The following GRID2 variants were observed in gnomAD, a reference collection of about 807,000 sequenced individuals.
The protein encoded by GRID2 is glutamate receptor ionotropic, delta-2.
Under a neutral mutation model 114.8 loss-of-function variants are expected in GRID2, and 33 were observed. That is an observed-to-expected ratio of 0.29 (90% CI 0.22 to 0.38). GRID2 has a LOEUF of 0.38. Among genes scored for constraint, GRID2 ranks in the 10% least tolerant of loss-of-function variants. GRID2 has a pLI of 1.00. For synonymous variants in GRID2, 505 were observed against 449.9 expected (o/e 1.12, Z -1.55); for missense variants, 1,184 against 1,257.7 (o/e 0.94, Z 0.89).
At chr4:92,861,630 C>T (rs1166705915) in intron 2 of GRID2, among the ~76,000 whole-genome samples, 1 of 152,030 alleles carries the variant, frequency 6.6e-6, no homozygotes, top group Non-Finnish European at 1.5e-5. Flanking sequence ...ATGTCAGGGA[C>T]TGGTCTGGCT....
intron 14 of GRID2, among the ~76,000 whole-genome samples, chr4:93,649,512 A>G (rs564350548): frequency 8.5e-5 from 13 of 152,144 alleles, no homozygotes; most frequent in Non-Finnish European, 1.9e-4. Flanking sequence ...AGTTTTTTTC[A>G]CTTAAAGAAG....
chr4:93,231,390 C>CAAAA lies in GRID2; in HGVS notation c.1125+6628_1125+6631dup, dbSNP rs34267723. 5.7e-3 allele frequency among the ~76,000 whole-genome samples: 595 copies of CAAAA among 104,448 alleles called. 9 individuals carry two copies. The highest frequency in any genetic ancestry group is 0.023 in the African/African-American group (566 of 24,696). 68.5% of individuals were successfully genotyped at this position (104,448 alleles called of 152,430 possible). ...TATGGAATTACCCCGCACCCCCTGCCAAAAAAAAAAAAAAAAGAAATTTAG... is the reference window on the plus strand; with the variant it reads ...TATGGAATTACCCCGCACCCCCTGCCAAAAAAAAAAAAAAAAAAAAGAAATTTAG... On this transcript the variant is annotated intron_variant, in intron 7 of 15. Transcript: ENST00000282020.
At chr4:92,486,075 T>G (rs1722873587) in intron 1 of GRID2, among the ~76,000 whole-genome samples, 1 of 151,714 alleles carries the variant, frequency 6.6e-6, no homozygotes, top group Non-Finnish European at 1.5e-5. Flanking sequence ...TTTGTAAACT[T>G]GAATCTCTAA....
intron 8 of GRID2, among the ~76,000 whole-genome samples, chr4:93,288,645 C>G (rs571081291): frequency 6.6e-5 from 10 of 152,298 alleles, no homozygotes; most frequent in African/African-American, 2.4e-4. Context: ...AAATGAGACT[C>G]TATCCTTTTA....
chr4:92,333,554 T>G (rs1372752509), intron 1 of GRID2, among the ~76,000 whole-genome samples: 3 of 152,190 alleles, frequency 2.0e-5, no homozygotes, highest in Non-Finnish European at 4.4e-5. Context: ...CTTTTTCATC[T>G]TTACATGGCC....
At chr4:92,404,309 G>A (rs552617505) in intron 1 of GRID2, among the ~76,000 whole-genome samples, 54 of 151,864 alleles carry the variant, frequency 3.6e-4, no homozygotes, top group Non-Finnish European at 7.4e-4. Flanking sequence ...CTGATTCTAG[G>A]GAAATGCAAA....
intron 2 of GRID2, among the ~76,000 whole-genome samples, chr4:93,074,374 A>G (rs527709819): frequency 6.6e-6 from 1 of 152,342 alleles, no homozygotes; most frequent in African/African-American, 2.4e-5. Flanking sequence ...AGATTGAGCT[A>G]TATCCTAGAT....
At chr4:93,027,062 A>G (rs971588098) in intron 2 of GRID2, among the ~76,000 whole-genome samples, 2 of 152,034 alleles carry the variant, frequency 1.3e-5, no homozygotes, top group African/African-American at 4.8e-5. Flanking sequence ...TCAACTGTGG[A>G]ATGCGATCAA....
intron 2 of GRID2, among the ~76,000 whole-genome samples, chr4:92,891,759 A>G (rs1003969885): frequency 6.6e-6 from 1 of 152,180 alleles, no homozygotes; most frequent in Admixed American, 6.5e-5. Context: ...CATAAGAGTC[A>G]TAAGTACTGG....
chr4:93,188,631 T>G (rs1740666181), intron 4 of GRID2, among the ~76,000 whole-genome samples: 1 of 152,228 alleles, frequency 6.6e-6, no homozygotes. Flanking sequence ...ATTTTTCATT[T>G]GCAACATTGC....
intron 1 of GRID2, among the ~76,000 whole-genome samples, chr4:92,359,696 T>C (rs2110198778): frequency 6.6e-6 from 1 of 152,050 alleles, no homozygotes; most frequent in South Asian, 2.1e-4. Context: ...GACGGGTGTT[T>C]AGGAATTGGA....
chr4:93,101,531 G>A (rs1731708294), intron 3 of GRID2, among the ~76,000 whole-genome samples: 1 of 151,986 alleles, frequency 6.6e-6, no homozygotes, highest in African/African-American at 2.4e-5. Flanking sequence ...GGTATGGAAT[G>A]AGCAATACCG....
intron 2 of GRID2, among the ~76,000 whole-genome samples, chr4:92,653,158 C>T (rs766857117): frequency 2.7e-5 from 4 of 150,242 alleles, no homozygotes; most frequent in Non-Finnish European, 5.9e-5. Context: ...CCACCACACC[C>T]GGCTAATTTT....
chr4:92,443,433 G>T (rs373699037), intron 1 of GRID2, among the ~76,000 whole-genome samples: 2 of 151,814 alleles, frequency 1.3e-5, no homozygotes, highest in South Asian at 2.1e-4. Context: ...AGGGTGGAAG[G>T]TTGCCCATAG....
intron 2 of GRID2, among the ~76,000 whole-genome samples, chr4:92,916,339 T>C (rs1309058817): frequency 6.6e-6 from 1 of 152,064 alleles, no homozygotes; most frequent in Non-Finnish European, 1.5e-5. Flanking sequence ...GATCATTGTC[T>C]CTGTAATTTT....
At chr4:93,022,717 T>A (rs1373596108) in intron 2 of GRID2, among the ~76,000 whole-genome samples, 1 of 151,970 alleles carries the variant, frequency 6.6e-6, no homozygotes. Flanking sequence ...TAATTATAAG[T>A]ATCTATTTAG....
At chr4:92,566,634 C>T (rs1036254059) in intron 1 of GRID2, among the ~76,000 whole-genome samples, 1 of 151,870 alleles carries the variant, frequency 6.6e-6, no homozygotes, top group African/African-American at 2.4e-5. Flanking sequence ...AGAAATTATG[C>T]TATTACTATA....
At chr4:93,275,769 T>C (rs895684520) in intron 8 of GRID2, among the ~76,000 whole-genome samples, 4 of 151,906 alleles carry the variant, frequency 2.6e-5, no homozygotes, top group Non-Finnish European at 4.4e-5. Context: ...TAGATCTTCT[T>C]TGGAGAAATG....
At chr4:92,934,306 G>A (rs1750469504) in intron 2 of GRID2, among the ~76,000 whole-genome samples, 1 of 151,770 alleles carries the variant, frequency 6.6e-6, no homozygotes, top group East Asian at 1.9e-4. Flanking sequence ...TTGGGAATGG[G>A]AGTTCACTCA....
Sources: gnomAD v4.1 joint callset for allele counts (sites outside exome capture counted in the v4.1 genomes callset) on GRCh38, gnomAD v4.1.1 for gene constraint, MANE v1.5 for transcripts, NCBI Gene and HGNC (gene_info 2026-07-23, HGNC 2026-07-21) for gene names.